The following MAOA variants were observed in gnomAD, a reference collection of about 807,000 sequenced individuals.
MAOA encodes the protein amine oxidase [flavin-containing] A.
In MAOA, 6 loss-of-function variants were observed where a neutral mutation model predicts 42.0. The observed-to-expected ratio is 0.14, with a 90% CI of 0.08 to 0.28. The LOEUF is 0.28. MAOA is among the 10% of genes least tolerant of loss of function. The probability of loss-of-function intolerance (pLI) is 1.00; values close to 1 mark genes in which losing one functional copy is unlikely to be tolerated. For missense variants in MAOA, 262 were observed against 422.3 expected (o/e 0.62, Z 3.33); for synonymous variants, 140 against 154.0 (o/e 0.91, Z 0.67).
At chrX:43,675,228 C>T (rs1410823742) in intron 1 of MAOA, among the ~76,000 whole-genome samples, 9 of 111,927 alleles carry the variant, frequency 8.0e-5, no homozygotes, top group Non-Finnish European at 1.3e-4. Flanking sequence ...TCCAGCTGAT[C>T]GCATCGGCTC....
chrX:43,697,500 A>G (rs1337033620), intron 3 of MAOA, among the ~76,000 whole-genome samples: 2 of 112,483 alleles, frequency 1.8e-5, no homozygotes, highest in African/African-American at 3.2e-5. Flanking sequence ...TTGAAGCTCT[A>G]TTTTGAATTT....
rs1439692807 is a variant in MAOA at position 43,656,368 on chromosome X, C to G, written c.27C>G (p.Ile9Met). The change falls in exon 1 of 15, where the codon ATC (isoleucine) becomes ATG (methionine). Residue 9 changes from isoleucine (I) to methionine (M), a missense_variant. This residue lies in a region of MAOA where 141 missense variants were observed against 195.6 expected (regional missense o/e 0.72). Transcript: ENST00000338702. MENQEKAS[I>M]AGHMFDVVVI... Reference sequence around the variant, plus strand: ...TGGAGAATCAAGAGAAGGCGAGTATCGCGGGCCACATGTTCGACGTAGTCG... The same window carrying G: ...TGGAGAATCAAGAGAAGGCGAGTATGGCGGGCCACATGTTCGACGTAGTCG... 1 of 1,211,695 alleles carries G rather than the reference C, an allele frequency of 8.3e-7. No homozygotes were observed. The highest frequency in any genetic ancestry group is 2.2e-5 in the Admixed American group (1 of 46,144).
intron 3 of MAOA, among the ~76,000 whole-genome samples, chrX:43,693,661 T>C (rs887502647): frequency 9.0e-6 from 1 of 110,947 alleles, no homozygotes; most frequent in Non-Finnish European, 1.9e-5. Context: ...CCTTCCTCCC[T>C]GTCACCCTCA....
chrX:43,703,051 T>C (rs1330613988), intron 3 of MAOA, among the ~76,000 whole-genome samples: 1 of 97,237 alleles, frequency 1.0e-5, no homozygotes, highest in Non-Finnish European at 1.9e-5. Flanking sequence ...CTTTTCCTAA[T>C]CTGTAGATTA....
At chrX:43,706,392 G>A in intron 3 of MAOA, among the ~76,000 whole-genome samples, 1 of 111,787 alleles carries the variant, frequency 8.9e-6, no homozygotes, top group Non-Finnish European at 1.9e-5. Context: ...AAAGCCGCCA[G>A]AAGAACTCAT....
intron 5 of MAOA, among the ~76,000 whole-genome samples, chrX:43,724,667 G>A (rs764758928): frequency 4.1e-4 from 46 of 110,883 alleles, no homozygotes; most frequent in African/African-American, 1.4e-3. Flanking sequence ...TTGTGTCTCT[G>A]TCTCCTTCAG....
intron 2 of MAOA, 134 bp downstream of exon 2, chrX:43,683,741 T>TA (rs745864667): frequency 2.0e-6 from 1 of 492,059 alleles, no homozygotes; most frequent in Admixed American, 3.2e-5. Context: ...AGCCCTAAAG[T>TA]ACTCCCATCA....
chrX:43,684,625 T>C (rs1238818489), intron 2 of MAOA, among the ~76,000 whole-genome samples: 3 of 111,403 alleles, frequency 2.7e-5, no homozygotes, highest in East Asian at 2.8e-4. Flanking sequence ...TTTGCTAGAG[T>C]ACACAAATAG....
At position 43,693,533 on chromosome X, in the gene MAOA, G is replaced by A. The variant is rs1285162050; in HGVS notation, c.306+105G>A. Reference sequence around the variant, plus strand: ...TTCTTTCAAAGCAATTGTAAAAGTAGGCTCTTGACTTTGAAGTAGTATTTG... The same window carrying A: ...TTCTTTCAAAGCAATTGTAAAAGTAAGCTCTTGACTTTGAAGTAGTATTTG... On this transcript the variant is annotated intron_variant, in intron 3 of 14. Transcript: ENST00000338702. 7.8e-6 allele frequency: 7 copies of A among 896,210 alleles called. No homozygotes were observed. In the African/African-American group the frequency reaches 9.9e-5, roughly 13 times the overall value. The allele number at this position is 896,210 out of a possible 1,213,427, so 73.9% of individuals were successfully genotyped here.
chrX:43,673,337 T>A (rs754216680), intron 1 of MAOA, among the ~76,000 whole-genome samples: 7 of 111,041 alleles, frequency 6.3e-5, no homozygotes, highest in African/African-American at 2.3e-4. Context: ...TCTTTTTTTC[T>A]TTATTAGCCT....
chrX:43,713,675 T>C (rs2033716107), intron 5 of MAOA, among the ~76,000 whole-genome samples: 1 of 111,396 alleles, frequency 9.0e-6, no homozygotes, highest in Admixed American at 9.5e-5. Flanking sequence ...GGAGTTTATG[T>C]TTTTCTAGCA....
chrX:43,705,513 C>T (rs1475031984), intron 3 of MAOA, among the ~76,000 whole-genome samples: 2 of 111,539 alleles, frequency 1.8e-5, no homozygotes, highest in Non-Finnish European at 3.8e-5. Context: ...TATAAAACTC[C>T]TGGAAGAAAA....
In MAOA at chrX:43,711,908, G is replaced by C. The variant is rs1231017846; in HGVS notation, c.343G>C (p.Val115Leu). 8.3e-7 allele frequency: 1 copy of C among 1,209,284 alleles called. No homozygotes were observed. The highest frequency in any genetic ancestry group is 1.1e-6 in the Non-Finnish European group (1 of 893,387). Residue 115 changes from valine (V) to leucine (L), a missense_variant, in exon 4 of 15, where the codon GTA becomes CTA. Physicochemically the swap from Val to Leu is conservative, Grantham distance 32. This residue lies in a region of MAOA where 141 missense variants were observed against 195.6 expected (regional missense o/e 0.72). Transcript: ENST00000338702. ...TCCATTTCGGGGCGCCTTTCCACCA[G>C]TATGGAATCCCATTGCATATTTGGA... ...TYPFRGAFPP[V>L]WNPIAYLDYN...
At chrX:43,660,695 G>C (rs2033225525) in intron 1 of MAOA, among the ~76,000 whole-genome samples, 1 of 111,507 alleles carries the variant, frequency 9.0e-6, no homozygotes, top group Admixed American at 9.6e-5. Flanking sequence ...CTCTTGTAGA[G>C]CTTGTAATCT....
intron 1 of MAOA, 41 bp from the exon 2 acceptor site, chrX:43,683,472 G>C: frequency 1.0e-6 from 1 of 976,518 alleles, no homozygotes; most frequent in Non-Finnish European, 1.5e-6. Context: ...TGGATTTTAA[G>C]CATTTGAATG....
At chrX:43,676,430 G>T (rs79256569) in intron 1 of MAOA, among the ~76,000 whole-genome samples, 1 of 110,931 alleles carries the variant, frequency 9.0e-6, no homozygotes, top group Non-Finnish European at 1.9e-5. Flanking sequence ...ACTTTGGCTC[G>T]CGCACGGTGC....
At chrX:43,685,001 C>T (rs1055862880) in intron 2 of MAOA, among the ~76,000 whole-genome samples, 2 of 105,982 alleles carry the variant, frequency 1.9e-5, no homozygotes, top group Non-Finnish European at 3.9e-5. Flanking sequence ...TCTCAGTCTC[C>T]AGAGTAGCTA....
intron 1 of MAOA, among the ~76,000 whole-genome samples, chrX:43,668,652 T>G (rs2033302800): frequency 8.9e-6 from 1 of 112,222 alleles, no homozygotes; most frequent in Non-Finnish European, 1.9e-5. Flanking sequence ...ATTTGTATAA[T>G]TTAGGCTATT....
chrX:43,673,877 A>G (rs1199135896), intron 1 of MAOA, among the ~76,000 whole-genome samples: 4 of 111,799 alleles, frequency 3.6e-5, no homozygotes, highest in African/African-American at 6.5e-5. Context: ...TATGTGGTCA[A>G]TTTTGGAATA....
Sources: gnomAD v4.1 joint callset for allele counts (sites outside exome capture counted in the v4.1 genomes callset) on GRCh38, gnomAD v4.1.1 for gene constraint, gnomAD v4.1.1 regional missense constraint, MANE v1.5 for transcripts, NCBI Gene and HGNC (gene_info 2026-07-23, HGNC 2026-07-21) for gene names.